Variants in THEMIS observed in about 807,000 individuals in gnomAD.
THEMIS encodes protein THEMIS.
THEMIS carries 37 observed loss-of-function variants against 52.6 expected under a neutral mutation model. The observed-to-expected ratio is 0.70, with a 90% CI of 0.54 to 0.93. THEMIS has a LOEUF of 0.93. THEMIS is among the 40% of genes least tolerant of loss of function. The pLI is 0.00. For missense variants in THEMIS, 808 were observed against 763.1 expected, an observed-to-expected ratio of 1.06 and a Z score of -0.69; for synonymous variants, 292 against 272.7, an observed-to-expected ratio of 1.07 and a Z score of -0.70.
At chr6:127,718,322 G>A (rs1376123994) in intron 5 of THEMIS, among the ~76,000 whole-genome samples, 1 of 151,744 alleles carries the variant, frequency 6.6e-6, no homozygotes, top group Admixed American at 6.6e-5. Context: ...TGAAGTTAGG[G>A]GGTCTCACTT....
intron 1 of THEMIS, among the ~76,000 whole-genome samples, chr6:127,899,387 T>C (rs140925670): frequency 2.6e-5 from 4 of 151,960 alleles, no homozygotes; most frequent in African/African-American, 7.2e-5. Context: ...ATAGTGTGTT[T>C]GGGGGCAGCT....
intron 4 of THEMIS, among the ~76,000 whole-genome samples, chr6:127,805,608 A>G (rs1350940254): frequency 6.6e-6 from 1 of 151,996 alleles, no homozygotes; most frequent in Non-Finnish European, 1.5e-5. Context: ...AGCCTATTTT[A>G]TTGCATTCTT....
At chr6:127,817,755 C>T (rs1778186117) in intron 3 of THEMIS, among the ~76,000 whole-genome samples, 1 of 152,214 alleles carries the variant, frequency 6.6e-6, no homozygotes, top group South Asian at 2.1e-4. Flanking sequence ...CTGGAGGCAG[C>T]ACCTGGAAGA....
At chr6:127,894,235 C>CT (rs34118301) in intron 1 of THEMIS, among the ~76,000 whole-genome samples, 3 of 151,642 alleles carry the variant, frequency 2.0e-5, no homozygotes, top group Non-Finnish European at 4.4e-5. Flanking sequence ...ACAAAGCATA[C>CT]TTTTTTTTAG....
intron 4 of THEMIS, among the ~76,000 whole-genome samples, chr6:127,721,217 A>T (rs1399330475): frequency 2.0e-5 from 3 of 151,994 alleles, no homozygotes; most frequent in Non-Finnish European, 4.4e-5. Flanking sequence ...GGGTGAAACC[A>T]GTCTAGATCA....
chr6:127,912,122 G>A (rs188213503), intron 1 of THEMIS, among the ~76,000 whole-genome samples: 1 of 152,270 alleles, frequency 6.6e-6, no homozygotes, highest in East Asian at 1.9e-4. Flanking sequence ...AGCATGATCT[G>A]GATGTGAGAC....
intron 1 of THEMIS, among the ~76,000 whole-genome samples, chr6:127,884,989 T>A (rs1452580613): frequency 2.0e-5 from 3 of 152,146 alleles, no homozygotes; most frequent in Non-Finnish European, 2.9e-5. Flanking sequence ...GATCAGGGCC[T>A]CACCTGTGTT....
chr6:127,724,855 T>C (rs1348635551), intron 4 of THEMIS, among the ~76,000 whole-genome samples: 1 of 152,014 alleles, frequency 6.6e-6, no homozygotes, highest in Non-Finnish European at 1.5e-5. Context: ...AAAAAAAAAT[T>C]GGAAAGAGCT....
chr6:127,892,115 G>A (rs569577168), intron 1 of THEMIS, among the ~76,000 whole-genome samples: 2 of 152,266 alleles, frequency 1.3e-5, no homozygotes, highest in Non-Finnish European at 2.9e-5. Context: ...CACATTCAGT[G>A]TCACTCTGGC....
chr6:127,798,348 A>AT (rs200320912), intron 4 of THEMIS, among the ~76,000 whole-genome samples: 2,504 of 150,936 alleles, frequency 0.017, 29 homozygotes, highest in South Asian at 0.027. Context: ...AAGAAACAGA[A>AT]TTTTTTTTTT....
intron 4 of THEMIS, among the ~76,000 whole-genome samples, chr6:127,736,923 A>C (rs1197204301): frequency 6.6e-6 from 1 of 152,142 alleles, no homozygotes; most frequent in Non-Finnish European, 1.5e-5. Context: ...AAAATAACAA[A>C]ATAATAGGAT....
At chr6:127,791,956 C>A (rs539927262) in intron 4 of THEMIS, among the ~76,000 whole-genome samples, 1 of 152,184 alleles carries the variant, frequency 6.6e-6, no homozygotes, top group East Asian at 1.9e-4. Context: ...CCTGAAGGGG[C>A]AAGGGTGTTT....
At chr6:127,785,002 TCTATTATC>T (rs879900544) in intron 4 of THEMIS, among the ~76,000 whole-genome samples, 2,173 of 123,500 alleles carry the variant, frequency 0.018, 18 homozygotes, top group Non-Finnish European at 0.025. Context: ...TATCTATCTA[TCTATTATC>T]TATCTATCTA....
chr6:127,847,104 CA>C (rs959879941), intron 2 of THEMIS, among the ~76,000 whole-genome samples: 4 of 151,580 alleles, frequency 2.6e-5, no homozygotes, highest in South Asian at 2.1e-4. Context: ...TAGAAACGCT[CA>C]AAAAAATAGG....
intron 1 of THEMIS, among the ~76,000 whole-genome samples, chr6:127,909,178 A>G (rs1030852987): frequency 6.6e-6 from 1 of 152,176 alleles, no homozygotes; most frequent in Non-Finnish European, 1.5e-5. Flanking sequence ...CCATTTGCTT[A>G]ACCTGACAAA....
At position 127,812,898 on chromosome 6, in the gene THEMIS, C is replaced by A. The variant is rs780755494; in HGVS notation, c.1743G>T (p.Leu581=). 2 of 1,600,076 alleles carry A rather than the reference C, an allele frequency of 1.2e-6. No homozygotes were observed. Among genetic ancestry groups the A allele is most frequent in the African/African-American group, 2.7e-5 (2 of 74,588 alleles). ...ATAGCCTTACCTTGGGAGACTTGGG[C>A]AGGTCTACCGTCCTTTCTTCTGCTA... The part of the protein sequence containing the change: ...LTLAEERTVD[L]PKSPKRHHVD... The change falls in exon 4 of 6, where the codon CTG becomes CTT. Residue 581 remains leucine (L), a synonymous_variant. Transcript: ENST00000368248.
chr6:127,817,539 T>A (rs13214678), intron 3 of THEMIS, among the ~76,000 whole-genome samples: 9,891 of 151,930 alleles, frequency 0.065, 453 homozygotes, highest in African/African-American at 0.12. Flanking sequence ...TTCATCCAAG[T>A]TTTTTTAATA....
chr6:127,873,983 A>G (rs531900624), intron 1 of THEMIS, among the ~76,000 whole-genome samples: 51 of 152,344 alleles, frequency 3.3e-4, no homozygotes, highest in African/African-American at 1.2e-3. Context: ...AAGGAATTCA[A>G]CTTTTTCTTG....
intron 4 of THEMIS, among the ~76,000 whole-genome samples, chr6:127,730,757 T>C (rs1352374120): frequency 6.6e-6 from 1 of 152,158 alleles, no homozygotes; most frequent in African/African-American, 2.4e-5. Flanking sequence ...TTCAAAATAT[T>C]CTCCATAGAA....
Sources: allele counts gnomAD v4.1 joint callset (sites outside exome capture counted in the v4.1 genomes callset), GRCh38; gene constraint gnomAD v4.1.1; transcripts MANE v1.5; gene names NCBI Gene and HGNC (gene_info 2026-07-23, HGNC 2026-07-21).